DYM: variants seen among roughly 807,000 people sequenced by gnomAD.
The protein encoded by DYM is dymeclin.
DYM carries 78 observed loss-of-function variants against 93.1 expected under a neutral mutation model. The observed-to-expected ratio is 0.84, with a 90% CI of 0.70 to 1.01. The LOEUF (loss-of-function observed/expected upper bound fraction) is 1.01. DYM is among the 50% of genes least tolerant of loss of function. DYM has a pLI of 0.00. For missense variants in DYM, 789 were observed against 845.0 expected, an observed-to-expected ratio of 0.93 and a Z score of 0.82; for synonymous variants, 321 against 319.7, an observed-to-expected ratio of 1.00 and a Z score of -0.04.
chr18:49,172,547 G>A (rs1438168088), intron 14 of DYM, among the ~76,000 whole-genome samples: 1 of 152,104 alleles, frequency 6.6e-6, no homozygotes, highest in African/African-American at 2.4e-5. Flanking sequence ...CTCATATGTT[G>A]TCTTTGGTGA....
intron 10 of DYM, among the ~76,000 whole-genome samples, chr18:49,275,663 G>T (rs1352018883): frequency 6.6e-6 from 1 of 152,002 alleles, no homozygotes; most frequent in African/African-American, 2.4e-5. Context: ...GATTGCTTGA[G>T]GCCAGAAGTT....
intron 14 of DYM, among the ~76,000 whole-genome samples, chr18:49,197,220 T>C (rs139158682): frequency 3.7e-4 from 57 of 152,288 alleles, no homozygotes; most frequent in Middle Eastern, 3.4e-3. Context: ...TTGGAACATA[T>C]TGGCATGTGG....
At chr18:49,263,928 A>C (rs1268631481) in intron 11 of DYM, among the ~76,000 whole-genome samples, 1 of 152,118 alleles carries the variant, frequency 6.6e-6, no homozygotes, top group African/African-American at 2.4e-5. Flanking sequence ...GACTTCTATG[A>C]GGATAGAAAG....
intron 8 of DYM, among the ~76,000 whole-genome samples, chr18:49,312,224 G>T (rs1234607063): frequency 6.6e-6 from 1 of 152,152 alleles, no homozygotes; most frequent in Non-Finnish European, 1.5e-5. Flanking sequence ...ACAGGGGCAG[G>T]TCCCCAGTGA....
intron 1 of DYM, among the ~76,000 whole-genome samples, chr18:49,457,552 A>G (rs2083092854): frequency 6.6e-6 from 1 of 152,218 alleles, no homozygotes; most frequent in Non-Finnish European, 1.5e-5. Context: ...AACCATTCCC[A>G]TTATCTACAA....
At chr18:49,326,911 T>C (rs919201250) in intron 8 of DYM, among the ~76,000 whole-genome samples, 1 of 152,126 alleles carries the variant, frequency 6.6e-6, no homozygotes, top group African/African-American at 2.4e-5. Context: ...ATATCCTCTT[T>C]CAGGAAATAC....
At chr18:49,437,386 C>A (rs1313733204) in intron 1 of DYM, among the ~76,000 whole-genome samples, 2 of 152,100 alleles carry the variant, frequency 1.3e-5, no homozygotes, top group East Asian at 1.9e-4. Flanking sequence ...TGTAACATTC[C>A]ATTTTATAAT....
chr18:49,409,467 T>C (rs2071949994), intron 2 of DYM, among the ~76,000 whole-genome samples: 1 of 152,122 alleles, frequency 6.6e-6, no homozygotes, highest in Non-Finnish European at 1.5e-5. Context: ...ATGGCCTTGA[T>C]GGTAGATCTG....
intron 17 of DYM, among the ~76,000 whole-genome samples, chr18:49,063,619 CTTTTTTTTTTTTTTT>C (rs67482709): frequency 1.4e-5 from 1 of 71,966 alleles, no homozygotes; most frequent in Admixed American, 1.5e-4. Context: ...CTTTCTCTCT[CTTTTTTTTTTTTTTT>C]TTTTTTTTTT....
chr18:49,203,955 A>G (rs1259400992), intron 14 of DYM, among the ~76,000 whole-genome samples: 3 of 134,484 alleles, frequency 2.2e-5, no homozygotes, highest in Admixed American at 1.6e-4. Flanking sequence ...CTCTACTTTT[A>G]CTTGAGAAGT....
chr18:49,205,562 T>C (rs925474164), intron 14 of DYM, among the ~76,000 whole-genome samples: 1 of 152,146 alleles, frequency 6.6e-6, no homozygotes, highest in African/African-American at 2.4e-5. Flanking sequence ...GATATCAAAT[T>C]TTATGATGGG....
chr18:49,429,185 C>G (rs117753254), intron 2 of DYM, among the ~76,000 whole-genome samples: 2,083 of 152,370 alleles, frequency 0.014, 26 homozygotes, highest in Non-Finnish European at 0.023. Flanking sequence ...TTCTACCTCC[C>G]TCTTCCACTT....
chr18:49,162,563 G>C (rs1398724907), intron 15 of DYM, among the ~76,000 whole-genome samples: 3 of 152,128 alleles, frequency 2.0e-5, no homozygotes, highest in Non-Finnish European at 4.4e-5. Context: ...CCTATTCAAG[G>C]TCCCACTTCT....
At chr18:49,432,329 C>CAAAAAAAAAAAAAAAA (rs11429840) in intron 1 of DYM, among the ~76,000 whole-genome samples, 6 of 75,826 alleles carry the variant, frequency 7.9e-5, no homozygotes, top group Non-Finnish European at 1.7e-4. Context: ...AAGACTGTCT[C>CAAAAAAAAAAAAAAAA]AAAAAAAAAA....
intron 16 of DYM, among the ~76,000 whole-genome samples, chr18:49,115,028 G>A (rs150785979): frequency 6.3e-4 from 96 of 152,280 alleles, no homozygotes; most frequent in African/African-American, 2.1e-3. Flanking sequence ...TTAAGTTCTC[G>A]CTGTATCACT....
chr18:49,221,148 T>G (rs535702051), intron 13 of DYM, among the ~76,000 whole-genome samples: 147 of 151,996 alleles, frequency 9.7e-4, no homozygotes, highest in Non-Finnish European at 1.7e-3. Context: ...AAAAAACACA[T>G]GAAAAAATGC....
At chr18:49,123,209 C>T (rs1289335286) in intron 15 of DYM, among the ~76,000 whole-genome samples, 1 of 152,052 alleles carries the variant, frequency 6.6e-6, no homozygotes, top group Non-Finnish European at 1.5e-5. Flanking sequence ...TTAATTTCCG[C>T]ATGTATTTTG....
intron 14 of DYM, among the ~76,000 whole-genome samples, chr18:49,189,817 G>A (rs989480342): frequency 2.0e-5 from 3 of 152,140 alleles, no homozygotes; most frequent in Admixed American, 6.5e-5. Flanking sequence ...AAACAACCAT[G>A]ATAACAGGAA....
chr18:49,204,972 A>G (rs2092393786), intron 14 of DYM, among the ~76,000 whole-genome samples: 1 of 152,108 alleles, frequency 6.6e-6, no homozygotes, highest in Non-Finnish European at 1.5e-5. Context: ...TTGTTTATTT[A>G]TTTCTTGAGA....
Sources: gnomAD v4.1 joint callset for allele counts (sites outside exome capture counted in the v4.1 genomes callset) on GRCh38, gnomAD v4.1.1 for gene constraint, MANE v1.5 for transcripts, NCBI Gene and HGNC (gene_info 2026-07-23, HGNC 2026-07-21) for gene names.